The following EMSY variants were observed in gnomAD, a reference collection of about 807,000 sequenced individuals.
EMSY encodes EMSY transcriptional repressor, BRCA2 interacting, also known as BRCA2-interacting transcriptional repressor EMSY.
In EMSY, 26 loss-of-function variants were observed where a neutral mutation model predicts 134.6. The ratio of observed to expected loss-of-function variants is 0.19; its 90% CI spans 0.14 to 0.27. EMSY has a LOEUF of 0.27. EMSY is among the 10% of genes least tolerant of loss of function. EMSY has a pLI of 1.00. For synonymous variants in EMSY, 579 were observed against 577.8 expected (o/e 1.00, Z -0.03); for missense variants, 1,305 against 1,611.4 (o/e 0.81, Z 3.26).
chr11:76,481,264 C>T (rs146746811), intron 8 of EMSY, among the ~76,000 whole-genome samples: 2,587 of 152,176 alleles, frequency 0.017, 51 homozygotes, highest in East Asian at 0.093. Flanking sequence ...AGGATGGTCT[C>T]GATCTCCTGA....
At chr11:76,496,315 ACAT>A (rs760208526) in exon 9 of EMSY, 1 of 1,614,190 alleles carries the variant, frequency 6.2e-7, no homozygotes, top group Non-Finnish European at 8.5e-7. Flanking sequence ...TCCCTAAACA[ACAT>A]CAACAGTCTC....
chr11:76,517,037 T>G (rs535713368), intron 11 of EMSY, among the ~76,000 whole-genome samples: 29 of 152,282 alleles, frequency 1.9e-4, no homozygotes, highest in African/African-American at 6.5e-4. Flanking sequence ...CGATTATTAT[T>G]TTTAATTAAA....
In EMSY at chr11:76,449,901, TTAG is replaced by T. The variant is rs1947582802; in HGVS notation, c.71-1952_71-1950del. On this transcript the variant is annotated intron_variant, in intron 2 of 20. Coordinates refer to ENST00000334736, the Ensembl canonical transcript of EMSY. Reference sequence around the variant, plus strand: ...GATACCTTGTAGCAGTAATGTTCAATTAGTAGTTTGGTTTGAGTTAGGGACTAT... The same window carrying T: ...GATACCTTGTAGCAGTAATGTTCAATTAGTTTGGTTTGAGTTAGGGACTAT... 2.0e-5 allele frequency among the ~76,000 whole-genome samples: 3 copies of T among 152,212 alleles called. No individual in the cohort carries two copies. The South Asian group carries it at 6.2e-4, about 31-fold the overall frequency.
At chr11:76,537,744 T>C in intron 15 of EMSY, 51 bp from the exon 17 acceptor site, 1 of 1,493,204 alleles carries the variant, frequency 6.7e-7, no homozygotes, top group Non-Finnish European at 9.1e-7. Flanking sequence ...ACTCTGGTTT[T>C]GGTACTTGTT....
intron 9 of EMSY, among the ~76,000 whole-genome samples, chr11:76,504,717 A>T (rs1242367144): frequency 6.6e-6 from 1 of 152,234 alleles, no homozygotes; most frequent in South Asian, 2.1e-4. Flanking sequence ...AAAAACTTGC[A>T]TACAAATATT....
intron 17 of EMSY, among the ~76,000 whole-genome samples, chr11:76,539,971 T>C (rs1951373458): frequency 3.3e-5 from 5 of 152,238 alleles, no homozygotes; most frequent in African/African-American, 2.4e-5. Flanking sequence ...CACAGCCATA[T>C]TGAGCATTTT....
rs1565361459 is a variant in EMSY at position 76,539,645 on chromosome 11, G to A, written c.2557+5G>A. ...AGGTTGCTTTTCCCCTTCTAGGTAA[G>A]TGGTGTGCATCCATTTGTAGTATCA... On this transcript the variant is annotated splice_donor_5th_base_variant and intron_variant, in intron 17 of 20. Coordinates refer to ENST00000334736, the Ensembl canonical transcript of EMSY. 1 of 1,613,206 alleles carries A rather than the reference G, an allele frequency of 6.2e-7. No homozygotes were observed. The highest frequency in any genetic ancestry group is 8.5e-7 in the Non-Finnish European group (1 of 1,179,270).
At chr11:76,449,798 A>G (rs1489585120) in intron 2 of EMSY, among the ~76,000 whole-genome samples, 1 of 152,208 alleles carries the variant, frequency 6.6e-6, no homozygotes, top group Non-Finnish European at 1.5e-5. Context: ...TTATTTGGAT[A>G]TATTTCTTAG....
chr11:76,505,023 G>A (rs1950016663), intron 9 of EMSY, among the ~76,000 whole-genome samples: 1 of 152,176 alleles, frequency 6.6e-6, no homozygotes, highest in Admixed American at 6.5e-5. Flanking sequence ...ATGGGTGCAA[G>A]GAGTAGTAGA....
intron 10 of EMSY, among the ~76,000 whole-genome samples, chr11:76,514,220 A>G (rs910375962): frequency 6.6e-6 from 1 of 152,126 alleles, no homozygotes; most frequent in Non-Finnish European, 1.5e-5. Context: ...TAACGTTATT[A>G]TAAGTACTAA....
chr11:76,458,173 T>G lies in EMSY; in HGVS notation c.246-10T>G, dbSNP rs1372430629. ...AAAACCCTTGTAGCAGCGCTTTCTT[T>G]TTTGTTTAGTATGTCTGGACCTAAT... On this transcript the variant is annotated splice_polypyrimidine_tract_variant and intron_variant, in intron 4 of 20. Transcript: ENST00000334736. 6.3e-7 allele frequency: 1 copy of G among 1,593,026 alleles called. No homozygotes were observed. Among genetic ancestry groups the G allele is most frequent in the Non-Finnish European group, 8.5e-7 (1 of 1,171,616 alleles).
exon 21 of EMSY, chr11:76,550,062 G>A: frequency 6.2e-7 from 1 of 1,613,946 alleles, no homozygotes; most frequent in South Asian, 1.1e-5. Flanking sequence ...ATGATGAGGA[G>A]ACAGCAATGG....
chr11:76,490,789 T>C (rs1949387526), intron 8 of EMSY, among the ~76,000 whole-genome samples: 1 of 152,184 alleles, frequency 6.6e-6, no homozygotes, highest in Non-Finnish European at 1.5e-5. Flanking sequence ...GAAGTCTTGG[T>C]TTCTTATAGT....
intron 4 of EMSY, among the ~76,000 whole-genome samples, chr11:76,455,338 G>A (rs932729135): frequency 6.6e-6 from 1 of 152,058 alleles, no homozygotes; most frequent in Non-Finnish European, 1.5e-5. Context: ...TGGATCAGAT[G>A]TTTTATCTAC....
At chr11:76,450,983 G>A (rs1947643457) in intron 2 of EMSY, among the ~76,000 whole-genome samples, 1 of 151,638 alleles carries the variant, frequency 6.6e-6, no homozygotes, top group Admixed American at 6.6e-5. Flanking sequence ...TTTTTGTACA[G>A]CCAGAGTTTT....
chr11:76,524,208 G>A (rs79480525), intron 12 of EMSY, among the ~76,000 whole-genome samples: 1,860 of 152,224 alleles, frequency 0.012, 29 homozygotes, highest in African/African-American at 0.041. Context: ...ATTTCCTCAT[G>A]TGTACATTGG....
intron 8 of EMSY, among the ~76,000 whole-genome samples, chr11:76,487,172 C>T (rs576038769): frequency 1.3e-3 from 203 of 152,204 alleles, no homozygotes; most frequent in Middle Eastern, 0.01. Flanking sequence ...CCCAGCTACT[C>T]AGGAGGCTGA....
intron 6 of EMSY, chr11:76,461,024 T>C (rs951960785): frequency 6.6e-6 from 1 of 152,044 alleles, no homozygotes; most frequent in Admixed American, 6.6e-5. Flanking sequence ...AAGTGGTTAA[T>C]TTGGCTCACG....
exon 21 of EMSY, chr11:76,551,453 G>A (rs1951833481): frequency 6.5e-6 from 1 of 152,716 alleles, no homozygotes; most frequent in South Asian, 2.1e-4. Flanking sequence ...AGTACTGTAA[G>A]TAGAATTCAT....
Sources: gnomAD v4.1 joint callset for allele counts (sites outside exome capture counted in the v4.1 genomes callset) on GRCh38, gnomAD v4.1.1 for gene constraint, MANE v1.5 for transcripts, NCBI Gene and HGNC (gene_info 2026-07-23, HGNC 2026-07-21) for gene names.